KICS2: variants seen among roughly 807,000 people sequenced by gnomAD.
KICS2 encodes the protein KICSTOR complex protein C12orf66.
KICS2 carries 13 observed loss-of-function variants against 31.4 expected under a neutral mutation model. The observed-to-expected ratio is 0.41, with a 90% confidence interval of 0.27 to 0.66. The LOEUF is 0.66. Among genes scored for constraint, KICS2 ranks in the 30% least tolerant of loss-of-function variants. KICS2 has a pLI of 0.28. For synonymous variants in KICS2, 209 were observed against 214.8 expected, an observed-to-expected ratio of 0.97 and a Z score of 0.24; for missense variants, 455 against 545.4, an observed-to-expected ratio of 0.83 and a Z score of 1.65.
chr12:64,194,936 A>ATTTTTTT (rs60371744), intron 2 of KICS2, among the ~76,000 whole-genome samples: 2 of 149,454 alleles, frequency 1.3e-5, no homozygotes, highest in Non-Finnish European at 1.5e-5. Context: ...GCTACAATTC[A>ATTTTTTT]TTTTTTTTTT....
chr12:64,209,665 A>G (rs2037567491), intron 2 of KICS2, among the ~76,000 whole-genome samples: 1 of 152,238 alleles, frequency 6.6e-6, no homozygotes, highest in Admixed American at 6.5e-5. Flanking sequence ...ACTGGCTTCC[A>G]GAAGAAGAAA....
chr12:64,206,982 A>G (rs918619541), intron 2 of KICS2, among the ~76,000 whole-genome samples: 13 of 152,058 alleles, frequency 8.5e-5, no homozygotes, highest in East Asian at 1.9e-4. Context: ...TATACTTAAC[A>G]CTACTGAACT....
downstream of KICS2, chr12:64,187,443 C>T: frequency 3.3e-6 from 2 of 599,124 alleles, no homozygotes; most frequent in Non-Finnish European, 5.8e-6. Context: ...TTTGAAGTAC[C>T]CTAGAAACAG....
At chr12:64,190,064 G>C (rs548809259), downstream of KICS2, among the ~76,000 whole-genome samples, 5 of 152,148 alleles carry the variant, frequency 3.3e-5, no homozygotes, top group Non-Finnish European at 7.4e-5. Context: ...TTCTAAAATA[G>C]GAAGAGTGGG....
rs2037377145 is a variant in KICS2, at chr12:64,191,384, AATAG to A, written c.*2454_*2457del. ...AATTCTTTTTGTGTTTATGTTTAAA[AATAG>A]ATATACAATTCAAATATGTTCTAGG... On this transcript the variant is annotated 3_prime_UTR_variant, in exon 3 of 3. Transcript: ENST00000398055. The A allele has an allele frequency of 6.6e-6, 1 of 152,224 alleles. No homozygotes were observed. Among genetic ancestry groups the A allele is most frequent in the Non-Finnish European group, 1.5e-5 (1 of 68,044 alleles). 9.4% of individuals were successfully genotyped at this position (152,224 alleles called of 1,614,324 possible). A position where few individuals can be genotyped will look rare whatever the true frequency, so the allele number is the denominator to read the frequency against.
chr12:64,189,670 AACACACAC>A (rs567956705), downstream of KICS2, among the ~76,000 whole-genome samples: 1 of 151,246 alleles, frequency 6.6e-6, no homozygotes, highest in African/African-American at 2.4e-5. Flanking sequence ...GAACATGGAA[AACACACAC>A]ACACACACAC....
At chr12:64,203,920 T>C (rs903260631) in intron 2 of KICS2, among the ~76,000 whole-genome samples, 1 of 152,192 alleles carries the variant, frequency 6.6e-6, no homozygotes, top group Non-Finnish European at 1.5e-5. Context: ...ACACAATCCA[T>C]GGAATACTAT....
In KICS2 at chr12:64,215,906, T is replaced by C; in HGVS notation, c.293A>G (p.His98Arg). The change falls in exon 2 of 3, where the codon CAT becomes CGT. Residue 98 changes from histidine (H) to arginine (R), a missense_variant. Physicochemically the swap from His to Arg is conservative, Grantham distance 29. Transcript: ENST00000398055. ...AGTCACCACCTTCTTCAGCTCATTA[T>C]GCAATGAAGTATAGATGGTGCGGAT... ...DSIRTIYTSLHNELKKVVTGR... is the reference protein window; with the variant it reads ...DSIRTIYTSLRNELKKVVTGR... 1.2e-6 allele frequency: 2 copies of C among 1,614,012 alleles called. No homozygotes were observed. Among genetic ancestry groups the C allele is most frequent in the South Asian group, 2.2e-5 (2 of 91,010 alleles).
chr12:64,222,083 AGCCAGCT>A lies in KICS2; in HGVS notation c.148_154del (p.Ser50CysfsTer27). 6.2e-7 allele frequency: 1 copy of A among 1,613,984 alleles called. No homozygotes were observed. Among genetic ancestry groups the A allele is most frequent in the South Asian group, 1.1e-5 (1 of 91,070 alleles). ...GTGCGCCAAGGCCGCCAGCAGCGACAGCCAGCTGCCCCCCGCGCTCTTGTTGGCCTCT... is the reference window on the plus strand; with the variant it reads ...GTGCGCCAAGGCCGCCAGCAGCGACAGCCCCCCGCGCTCTTGTTGGCCTCT... On this transcript the variant is annotated frameshift_variant, in exon 1 of 3. Coordinates refer to ENST00000398055, the MANE Select transcript of KICS2 (RefSeq NM_152440.5). LOFTEE classifies it high-confidence loss of function.
chr12:64,219,114 C>T (rs1431376205), intron 1 of KICS2, among the ~76,000 whole-genome samples: 1 of 152,144 alleles, frequency 6.6e-6, no homozygotes, highest in African/African-American at 2.4e-5. Context: ...ATTTCAAGTT[C>T]ATCTCATGTC....
chr12:64,206,234 T>C (rs1052302481), intron 2 of KICS2, among the ~76,000 whole-genome samples: 1 of 152,206 alleles, frequency 6.6e-6, no homozygotes, highest in African/African-American at 2.4e-5. Flanking sequence ...TGATAAATTT[T>C]TTTTTTCACA....
chr12:64,195,749 G>A lies in KICS2; in HGVS notation c.522-1091C>T, dbSNP rs543240532. Among the ~76,000 whole-genome samples the A allele has an allele frequency of 5.3e-3, 811 of 152,334 alleles. 5 individuals carry two copies. The highest frequency in any genetic ancestry group is 0.019 in the African/African-American group (773 of 41,576). Reference sequence around the variant, plus strand: ...GCGCAGGCCAGTGGGTGCACGCACCGTGCGCGAGCCGAAGCAGGGCGAGGC... The same window carrying A: ...GCGCAGGCCAGTGGGTGCACGCACCATGCGCGAGCCGAAGCAGGGCGAGGC... On this transcript the variant is annotated intron_variant, in intron 2 of 2. Transcript: ENST00000398055.
Position 64,191,417 on chromosome 12 carries a change from G to C in KICS2, c.*2425C>G, listed in dbSNP as rs1387053127. 4 of 151,916 alleles carry C rather than the reference G, an allele frequency of 2.6e-5. No individual in the cohort carries two copies. The highest frequency in any genetic ancestry group is 9.7e-5 in the African/African-American group (4 of 41,350). 9.4% of individuals were successfully genotyped at this position (151,916 alleles called of 1,614,324 possible). ...TACAATTCAAATATGTTCTAGGTGA[G>C]GACTGGTTATTTAAATAACATATAT... is the stretch of plus-strand genomic sequence containing the variant. On this transcript the variant is annotated 3_prime_UTR_variant, in exon 3 of 3. Transcript: ENST00000398055.
chr12:64,207,861 G>T (rs2037552679), intron 2 of KICS2, among the ~76,000 whole-genome samples: 1 of 152,178 alleles, frequency 6.6e-6, no homozygotes, highest in Admixed American at 6.5e-5. Flanking sequence ...AACAACAAAA[G>T]GACATTCTGA....
rs1276049673 is a variant in KICS2, at chr12:64,191,413, GT to G, written c.*2428del. 5 of 151,836 alleles carry G rather than the reference GT, an allele frequency of 3.3e-5. No homozygotes were observed. Among genetic ancestry groups the G allele is most frequent in the African/African-American group, 1.2e-4 (5 of 41,334 alleles). The allele number at this position is 151,836 out of a possible 1,614,324, so 9.4% of individuals were successfully genotyped here. A position where few individuals can be genotyped will look rare whatever the true frequency, so the allele number is the denominator to read the frequency against. Reference sequence around the variant, plus strand: ...GATATACAATTCAAATATGTTCTAGGTGAGGACTGGTTATTTAAATAACATA... The same window carrying G: ...GATATACAATTCAAATATGTTCTAGGGAGGACTGGTTATTTAAATAACATA... On this transcript the variant is annotated 3_prime_UTR_variant, in exon 3 of 3. Transcript: ENST00000398055.
At chr12:64,211,046 G>C (rs1366895250) in intron 2 of KICS2, among the ~76,000 whole-genome samples, 1 of 152,104 alleles carries the variant, frequency 6.6e-6, no homozygotes, top group African/African-American at 2.4e-5. Flanking sequence ...AGGGCTCAGG[G>C]ATGGGTATTT....
rs2037396847 is a variant in KICS2 at position 64,193,120 on chromosome 12, A to T, written c.*722T>A. On this transcript the variant is annotated 3_prime_UTR_variant, in exon 3 of 3. Coordinates refer to ENST00000398055, the MANE Select transcript of KICS2 (RefSeq NM_152440.5). ...AAAGCCCACATGATGGCTTATGCTG[A>T]CTTTACAACAGAGTGAAACATTCAA... 1 of 985,362 alleles carries T rather than the reference A, an allele frequency of 1.0e-6. No individual in the cohort carries two copies. 61.0% of individuals were successfully genotyped at this position (985,362 alleles called of 1,614,324 possible).
chr12:64,221,309 T>C (rs1038811701), intron 1 of KICS2, among the ~76,000 whole-genome samples: 1 of 152,242 alleles, frequency 6.6e-6, no homozygotes, highest in Non-Finnish European at 1.5e-5. Flanking sequence ...TTATTTTGTA[T>C]GCATATTCCA....
intron 2 of KICS2, among the ~76,000 whole-genome samples, chr12:64,208,147 T>C (rs535705587): frequency 1.3e-5 from 2 of 152,156 alleles, no homozygotes; most frequent in Non-Finnish European, 2.9e-5. Context: ...GTACCTGGGA[T>C]TACAGGCACA....
Sources: allele counts gnomAD v4.1 joint callset (sites outside exome capture counted in the v4.1 genomes callset), GRCh38; gene constraint gnomAD v4.1.1; transcripts MANE v1.5; gene names NCBI Gene and HGNC (gene_info 2026-07-23, HGNC 2026-07-21).